Variants in KCNQ1 observed in about 807,000 individuals in gnomAD.
The protein encoded by KCNQ1 is potassium voltage-gated channel subfamily KQT member 1.
Under a neutral mutation model 72.4 loss-of-function variants are expected in KCNQ1, and 49 were observed. The ratio of observed to expected loss-of-function variants is 0.68; its 90% confidence interval spans 0.54 to 0.86. The LOEUF (loss-of-function observed/expected upper bound fraction) is 0.86. KCNQ1 is among the 40% of genes least tolerant of loss of function. KCNQ1 has a pLI of 0.00. For synonymous variants in KCNQ1, 450 were observed against 412.6 expected (o/e 1.09, Z -1.10); for missense variants, 790 against 945.1 (o/e 0.84, Z 2.15).
At chr11:2,648,523 A>G (rs531530600) in intron 10 of KCNQ1, 6 of 398,468 alleles carry the variant, frequency 1.5e-5, no homozygotes, top group African/African-American at 1.0e-4. Flanking sequence ...CAATTTCTTC[A>G]TAGACACAGT....
intron 11 of KCNQ1, 118 bp downstream of exon 11, chr11:2,662,199 C>A: frequency 7.2e-7 from 1 of 1,391,330 alleles, no homozygotes; most frequent in Non-Finnish European, 1.0e-6. Flanking sequence ...CGCCTAGTGC[C>A]CACCACTTGC....
intron 2 of KCNQ1, among the ~76,000 whole-genome samples, chr11:2,533,834 AGAGAGG>A (rs1847682345): frequency 6.6e-6 from 1 of 152,188 alleles, no homozygotes. Flanking sequence ...CCACACAAAG[AGAGAGG>A]CACTCAAAAG....
chr11:2,478,706 C>T lies in KCNQ1; in HGVS notation c.386+33222C>T, dbSNP rs557326270. The stretch of plus-strand genomic sequence containing the variant: ...ACAGCCAAACCATATCATTCCACCC[C>T]GGCCCCTCCCTAATCTCATGTCCTC... On this transcript the variant is annotated intron_variant, in intron 1 of 15. Coordinates refer to ENST00000155840, the MANE Select transcript of KCNQ1 (RefSeq NM_000218.3). The surrounding 1 kb of genome is among the most constrained non-coding windows in gnomAD (Gnocchi z 4.0). Among the ~76,000 whole-genome samples the T allele has an allele frequency of 6.2e-4, 94 of 152,214 alleles. 1 individual carries two copies. The highest frequency in any genetic ancestry group is 2.0e-3 in the African/African-American group (83 of 41,548).
chr11:2,651,273 G>T lies in KCNQ1; in HGVS notation c.1394-10688G>T. 1 of 398,630 alleles carries T rather than the reference G, an allele frequency of 2.5e-6. No individual in the cohort carries two copies. Among genetic ancestry groups the T allele is most frequent in the Non-Finnish European group, 4.4e-6 (1 of 226,094 alleles). 24.7% of individuals were successfully genotyped at this position (398,630 alleles called of 1,614,324 possible). A position where few individuals can be genotyped will look rare whatever the true frequency, so the allele number is the denominator to read the frequency against. ...AATTAAGCTGTGCTGGTCACTTATT[G>T]AGAAAGAGCTTCATGGTGGGCAGCT... On this transcript the variant is annotated intron_variant, in intron 10 of 15. Transcript: ENST00000155840. This position sits in a 1 kb window ranked among gnomAD's most constrained non-coding sequence, Gnocchi z 6.1.
chr11:2,662,912 G>A, intron 11 of KCNQ1: 1 of 398,712 alleles, frequency 2.5e-6, no homozygotes, highest in Non-Finnish European at 4.4e-6. Context: ...GGGGTCAGGA[G>A]GTTGTCCTGA....
chr11:2,791,769 G>A (rs2134009369), intron 15 of KCNQ1, among the ~76,000 whole-genome samples: 1 of 139,412 alleles, frequency 7.2e-6, no homozygotes, highest in African/African-American at 2.7e-5. Flanking sequence ...CTGGCGGCAG[G>A]TGGATGCCCA....
chr11:2,806,906 AGGGACGGCACCACC>A (rs1847384437), intron 15 of KCNQ1, among the ~76,000 whole-genome samples: 1 of 150,992 alleles, frequency 6.6e-6, no homozygotes, highest in African/African-American at 2.4e-5. Context: ...CCAGCCCGAG[AGGGACGGCACCACC>A]GGGACAGCAC....
rs373358438 is a variant in KCNQ1 at position 2,538,574 on chromosome 11, G to C, written c.477+10556G>C. On this transcript the variant is annotated intron_variant, in intron 2 of 15. Coordinates refer to ENST00000155840, the MANE Select transcript of KCNQ1 (RefSeq NM_000218.3). This position sits in a 1 kb window ranked among gnomAD's most constrained non-coding sequence, Gnocchi z 6.7. ...ATTCTTTCATGCGAAATCTGCTTGC[G>C]GGAGAGTCGTGAAAGTGGGAATCCT... Among the ~76,000 whole-genome samples, 2 of 152,120 alleles carry C rather than the reference G, an allele frequency of 1.3e-5. No individual in the cohort carries two copies. Among genetic ancestry groups the C allele is most frequent in the African/African-American group, 4.8e-5 (2 of 41,430 alleles).
intron 1 of KCNQ1, among the ~76,000 whole-genome samples, chr11:2,472,782 G>GC (rs1564791037): frequency 1.3e-5 from 2 of 152,064 alleles, no homozygotes; most frequent in African/African-American, 4.8e-5. Context: ...GCCCAGCCCT[G>GC]CCACTCCAGC....
At chr11:2,643,573 A>C (rs1170662561) in intron 10 of KCNQ1, 7 of 398,360 alleles carry the variant, frequency 1.8e-5, no homozygotes, top group Middle Eastern at 1.2e-3. Context: ...TGTAGATAGC[A>C]TTTAGATGGG....
rs1349759047 is a variant in KCNQ1, at chr11:2,759,233, G to A, written c.1515-9611G>A. Reference sequence around the variant, plus strand: ...TGTGCTTGTGTCTGCTGACATAAGTGCTCAAGGAAGAGTCTGGAAGGCCTG... The same window carrying A: ...TGTGCTTGTGTCTGCTGACATAAGTACTCAAGGAAGAGTCTGGAAGGCCTG... On this transcript the variant is annotated intron_variant, in intron 11 of 15. Transcript: ENST00000155840. This position sits in a 1 kb window ranked among gnomAD's most constrained non-coding sequence, Gnocchi z 4.4. Among the ~76,000 whole-genome samples the A allele has an allele frequency of 6.6e-6, 1 of 152,166 alleles. No individual in the cohort carries two copies.
At chr11:2,684,126 C>T (rs1850445353) in intron 11 of KCNQ1, 2 of 398,606 alleles carry the variant, frequency 5.0e-6, no homozygotes, top group South Asian at 2.5e-4. Context: ...CTTAAGGGGA[C>T]CGTTTCCCTT....
rs564692070 is a variant in KCNQ1 at position 2,704,150 on chromosome 11, G to A, written c.1514+42069G>A. ...ACACCCACCACTGCAGCTGTCCTGG[G>A]TAAGGGCTCTGTGATCCTGCAACGC... On this transcript the variant is annotated intron_variant, in intron 11 of 15. Transcript: ENST00000155840. This position sits in a 1 kb window ranked among gnomAD's most constrained non-coding sequence, Gnocchi z 4.3. Among the ~76,000 whole-genome samples the A allele has an allele frequency of 6.6e-6, 1 of 152,348 alleles. No individual in the cohort carries two copies. The highest frequency in any genetic ancestry group is 2.1e-4 in the South Asian group (1 of 4,830).
At position 2,748,959 on chromosome 11, in the gene KCNQ1, C is replaced by T. The variant is rs866169154; in HGVS notation, c.1515-19885C>T. Among the ~76,000 whole-genome samples, 4 of 152,218 alleles carry T rather than the reference C, an allele frequency of 2.6e-5. No individual in the cohort carries two copies. Among genetic ancestry groups the T allele is most frequent in the East Asian group, 1.9e-4 (1 of 5,186 alleles). On this transcript the variant is annotated intron_variant, in intron 11 of 15. Transcript: ENST00000155840. This position sits in a 1 kb window ranked among gnomAD's most constrained non-coding sequence, Gnocchi z 6.2. ...CTAACTGGGGCTGTGCTGCCTTTGACGTGAGCTATTCAAAATGGCGGGAGG... is the reference window on the plus strand; with the variant it reads ...CTAACTGGGGCTGTGCTGCCTTTGATGTGAGCTATTCAAAATGGCGGGAGG...
intron 11 of KCNQ1, chr11:2,685,115 G>T (rs953337026): frequency 1.8e-5 from 7 of 398,534 alleles, no homozygotes; most frequent in African/African-American, 8.2e-5. Context: ...GGCACGGGGG[G>T]TCTGATGGTC....
chr11:2,663,077 G>A lies in KCNQ1; in HGVS notation c.1514+996G>A, dbSNP rs762783426. 77 of 398,656 alleles carry A rather than the reference G, an allele frequency of 1.9e-4. No homozygotes were observed. Among genetic ancestry groups the A allele is most frequent in the Non-Finnish European group, 3.1e-4 (69 of 226,186 alleles). The allele number at this position is 398,656 out of a possible 1,614,324, so 24.7% of individuals were successfully genotyped here. On this transcript the variant is annotated intron_variant, in intron 11 of 15. Coordinates refer to ENST00000155840, the MANE Select transcript of KCNQ1 (RefSeq NM_000218.3). The surrounding 1 kb of genome is among the most constrained non-coding windows in gnomAD (Gnocchi z 5.2). Reference sequence around the variant, plus strand: ...GAGAACTGGCAGGGTTGGGTAGCCAGAATGAGGCCACCTCCAGGGAAGGAG... The same window carrying A: ...GAGAACTGGCAGGGTTGGGTAGCCAAAATGAGGCCACCTCCAGGGAAGGAG...
intron 2 of KCNQ1, among the ~76,000 whole-genome samples, chr11:2,545,872 T>C (rs1847896477): frequency 6.6e-6 from 1 of 152,230 alleles, no homozygotes; most frequent in African/African-American, 2.4e-5. Context: ...GTCTCTTCTC[T>C]CATTCCTGAT....
rs367745220 is a variant in KCNQ1, at chr11:2,601,867, G to A, written c.1393+13013G>A. ...CCAGTTTGGGCTATTACAAATCAGA[G>A]TAGGCTGAACAATGGCCCCCAAAGT... On this transcript the variant is annotated intron_variant, in intron 10 of 15. Coordinates refer to ENST00000155840, the MANE Select transcript of KCNQ1 (RefSeq NM_000218.3). The surrounding 1 kb of genome is among the most constrained non-coding windows in gnomAD (Gnocchi z 5.2). 1.2e-4 allele frequency among the ~76,000 whole-genome samples: 18 copies of A among 152,292 alleles called. No individual in the cohort carries two copies. In the East Asian group the frequency reaches 2.3e-3, roughly 20 times the overall value.
intron 11 of KCNQ1, among the ~76,000 whole-genome samples, chr11:2,731,308 T>C (rs570975080): frequency 1.3e-5 from 2 of 152,204 alleles, no homozygotes; most frequent in African/African-American, 4.8e-5. Context: ...CACTGTTGCA[T>C]GGAGAGAACA....
Sources: gnomAD v4.1 joint callset for allele counts (sites outside exome capture counted in the v4.1 genomes callset) on GRCh38, gnomAD v4.1.1 for gene constraint, Gnocchi (gnomAD v3.1) non-coding constraint, MANE v1.5 for transcripts, NCBI Gene and HGNC (gene_info 2026-07-23, HGNC 2026-07-21) for gene names.